EYA4: variants seen among roughly 807,000 people sequenced by gnomAD.
EYA4 encodes protein phosphatase EYA4.
Under a neutral mutation model 87.9 loss-of-function variants are expected in EYA4, and 31 were observed. The observed-to-expected ratio is 0.35, with a 90% CI of 0.27 to 0.48. The LOEUF is 0.48. EYA4 is among the 20% of genes least tolerant of loss of function. The pLI, the probability that EYA4 is intolerant of heterozygous loss-of-function variation, is 0.99. For missense variants in EYA4, 678 were observed against 761.4 expected, an observed-to-expected ratio of 0.89 and a Z score of 1.29; for synonymous variants, 263 against 270.6, an observed-to-expected ratio of 0.97 and a Z score of 0.28.
chr6:133,276,447 T>C (rs1777171209), intron 2 of EYA4, among the ~76,000 whole-genome samples: 1 of 152,186 alleles, frequency 6.6e-6, no homozygotes, highest in African/African-American at 2.4e-5. Flanking sequence ...ATTTTTATGT[T>C]TAACACTAAA....
chr6:133,478,448 A>AAT (rs140582693), intron 11 of EYA4, among the ~76,000 whole-genome samples: 52,018 of 151,710 alleles, frequency 0.34, 10,109 homozygotes, highest in Non-Finnish European at 0.44. Context: ...GATACAGTGT[A>AAT]ATATATATAT....
intron 2 of EYA4, chr6:133,360,244 A>G (rs180723552): frequency 2.1e-4 from 32 of 152,370 alleles, no homozygotes; most frequent in African/African-American, 7.7e-4. Context: ...GTGAACATAC[A>G]TACTTAGTAT....
chr6:133,374,002 G>A (rs9402507), intron 2 of EYA4, among the ~76,000 whole-genome samples: 10,294 of 152,004 alleles, frequency 0.068, 608 homozygotes, highest in East Asian at 0.2. Flanking sequence ...ACCATTAGAA[G>A]GAGTTTGAAA....
intron 2 of EYA4, among the ~76,000 whole-genome samples, chr6:133,321,237 G>C (rs1228645901): frequency 2.0e-5 from 3 of 151,994 alleles, no homozygotes; most frequent in Non-Finnish European, 4.4e-5. Context: ...TATTGATTCA[G>C]CTTTATTTGT....
intron 2 of EYA4, among the ~76,000 whole-genome samples, chr6:133,351,185 T>A (rs1783614049): frequency 1.3e-5 from 2 of 152,210 alleles, no homozygotes; most frequent in Admixed American, 6.5e-5. Context: ...AAGCCCTTAA[T>A]CTAGTGTTAG....
chr6:133,253,667 A>ATAC (rs1017940021), intron 1 of EYA4, among the ~76,000 whole-genome samples: 21 of 152,084 alleles, frequency 1.4e-4, no homozygotes, highest in African/African-American at 4.6e-4. Context: ...AATAATAATA[A>ATAC]TAATCTACTC....
At chr6:133,319,650 G>A (rs973937144) in intron 2 of EYA4, among the ~76,000 whole-genome samples, 3 of 149,972 alleles carry the variant, frequency 2.0e-5, no homozygotes, top group African/African-American at 7.3e-5. Flanking sequence ...ATTGTTTTGC[G>A]TGATTTTGTT....
chr6:133,421,366 G>A (rs1294567427), intron 3 of EYA4, among the ~76,000 whole-genome samples: 2 of 152,158 alleles, frequency 1.3e-5, no homozygotes, highest in Non-Finnish European at 2.9e-5. Flanking sequence ...ACTCAAACAT[G>A]CCACGGAGTC....
chr6:133,376,955 G>T (rs934989884), intron 2 of EYA4, among the ~76,000 whole-genome samples: 1 of 151,956 alleles, frequency 6.6e-6, no homozygotes, highest in Non-Finnish European at 1.5e-5. Context: ...AAAAATAATT[G>T]TGTGACTAAT....
At chr6:133,468,419 G>T (rs1311668473) in intron 10 of EYA4, 147 bp from the exon 11 acceptor site, 3 of 720,488 alleles carry the variant, frequency 4.2e-6, no homozygotes, top group African/African-American at 3.5e-5. Flanking sequence ...AGTAGTCTCT[G>T]CTCATTAGGA....
chr6:133,354,025 T>C (rs922165696), intron 2 of EYA4, among the ~76,000 whole-genome samples: 1 of 152,190 alleles, frequency 6.6e-6, no homozygotes, highest in Non-Finnish European at 1.5e-5. Flanking sequence ...AATGCTACCT[T>C]TCTGTTGTCA....
chr6:133,387,334 C>T (rs976287502), intron 3 of EYA4, among the ~76,000 whole-genome samples: 3 of 152,186 alleles, frequency 2.0e-5, no homozygotes, highest in Non-Finnish European at 4.4e-5. Flanking sequence ...GCAGGGAAAG[C>T]TGAGGGCTCC....
intron 13 of EYA4, among the ~76,000 whole-genome samples, chr6:133,485,961 G>A (rs1796648948): frequency 1.3e-5 from 2 of 152,198 alleles, no homozygotes; most frequent in Non-Finnish European, 2.9e-5. Context: ...ATAAACTTAA[G>A]TTCGAAAATC....
chr6:133,519,341 A>G (rs1258987539), intron 17 of EYA4, among the ~76,000 whole-genome samples: 2 of 152,068 alleles, frequency 1.3e-5, no homozygotes, highest in Non-Finnish European at 2.9e-5. Flanking sequence ...CAGAAATACA[A>G]ACTACCATCA....
chr6:133,319,831 T>C (rs542588829), intron 2 of EYA4, among the ~76,000 whole-genome samples: 1 of 151,854 alleles, frequency 6.6e-6, no homozygotes, highest in South Asian at 2.1e-4. Flanking sequence ...TCCTCCCATC[T>C]CAGCCCCCCA....
rs1467929547 is a variant in EYA4 at position 133,529,706 on chromosome 6, G to A, written c.*901G>A. 1 of 984,572 alleles carries A rather than the reference G, an allele frequency of 1.0e-6. No homozygotes were observed. Among genetic ancestry groups the A allele is most frequent in the Admixed American group, 6.2e-5 (1 of 16,240 alleles). 61.0% of individuals were successfully genotyped at this position (984,572 alleles called of 1,614,324 possible). ...CTTAATAATTCCAATAATTGTATGA[G>A]GCAACTATTTGCGCATCCAACCATG... On this transcript the variant is annotated 3_prime_UTR_variant, in exon 20 of 20. Transcript: ENST00000355286.
chr6:133,266,481 CAG>C (rs1776236004), intron 1 of EYA4, among the ~76,000 whole-genome samples: 1 of 152,114 alleles, frequency 6.6e-6, no homozygotes, highest in Non-Finnish European at 1.5e-5. Flanking sequence ...CTAAGCCACC[CAG>C]TTTGTGGTAC....
chr6:133,258,650 G>T (rs1388356112), intron 1 of EYA4, among the ~76,000 whole-genome samples: 1 of 151,894 alleles, frequency 6.6e-6, no homozygotes, highest in Non-Finnish European at 1.5e-5. Context: ...TTCTTTTCTT[G>T]CAGCCCCAAG....
intron 13 of EYA4, among the ~76,000 whole-genome samples, chr6:133,497,060 C>G (rs1236940708): frequency 1.3e-5 from 2 of 152,154 alleles, no homozygotes; most frequent in Non-Finnish European, 2.9e-5. Context: ...TTACTGGTTA[C>G]TGTGCGCCTG....
Sources: gnomAD v4.1 joint callset for allele counts (sites outside exome capture counted in the v4.1 genomes callset) on GRCh38, gnomAD v4.1.1 for gene constraint, MANE v1.5 for transcripts, NCBI Gene and HGNC (gene_info 2026-07-23, HGNC 2026-07-21) for gene names.